Variants in TSR1 observed in about 807,000 individuals in gnomAD.
TSR1 encodes the protein pre-rRNA-processing protein TSR1 homolog.
In TSR1, 81 loss-of-function variants were observed where a neutral mutation model predicts 90.9. The ratio of observed to expected loss-of-function variants is 0.89; its 90% CI spans 0.74 to 1.07. TSR1 has a LOEUF of 1.07. Among genes scored for constraint, TSR1 ranks in the 50% least tolerant of loss-of-function variants. The pLI is 0.00. For synonymous variants in TSR1, 362 were observed against 348.8 expected, an observed-to-expected ratio of 1.04 and a Z score of -0.42; for missense variants, 989 against 987.3, an observed-to-expected ratio of 1.00 and a Z score of -0.02.
intron 11 of TSR1, among the ~76,000 whole-genome samples, chr17:2,326,441 G>A (rs988676654): frequency 6.6e-6 from 1 of 151,906 alleles, no homozygotes; most frequent in Non-Finnish European, 1.5e-5. Context: ...CAGTATCTCA[G>A]GACCCCTACC....
At position 2,323,053 on chromosome 17, in the gene TSR1, C is replaced by T. The variant is rs2075546642; in HGVS notation, c.*1143G>A. 2 of 1,420,182 alleles carry T rather than the reference C, an allele frequency of 1.4e-6. No homozygotes were observed. The highest frequency in any genetic ancestry group is 2.0e-6 in the Non-Finnish European group (2 of 1,013,768). 88.0% of individuals were successfully genotyped at this position (1,420,182 alleles called of 1,614,324 possible). ...GTGTTGGGATTACAGGTGTGAGCCA[C>T]CACACCAGGCCCATATTTTCTTTTA... On this transcript the variant is annotated 3_prime_UTR_variant, in exon 15 of 15. Coordinates refer to ENST00000301364, the MANE Select transcript of TSR1 (RefSeq NM_018128.5).
intron 2 of TSR1, 60 bp from the exon 3 acceptor site, chr17:2,335,790 C>T: frequency 1.3e-6 from 2 of 1,540,138 alleles, no homozygotes; most frequent in South Asian, 2.3e-5. Context: ...TCCAGCATTG[C>T]ATTTCCACTC....
At position 2,325,407 on chromosome 17, in the gene TSR1, T is replaced by C. The variant is rs1350790838; in HGVS notation, c.1917A>G (p.Lys639=). 4.3e-6 allele frequency: 7 copies of C among 1,611,416 alleles called. No individual in the cohort carries two copies. ...TGTCAGCAGTCAGGAATCTCTGCAA[T>C]TTATGTTTGTCCGCTGCCATAAGGG... ...FSQHTAADKH[K]LQRFLTADMA... The change falls in exon 12 of 15, where the codon AAA becomes AAG. Residue 639 remains lysine (K), a synonymous_variant. Transcript: ENST00000301364.
rs950925260 is a variant in TSR1, at chr17:2,324,138, T to C, written c.*58A>G. Reference sequence around the variant, plus strand: ...ATAAACTTTGCCCAATCACAACTTGTGCCTCCCATCCCTGGAGTACTGACT... The same window carrying C: ...ATAAACTTTGCCCAATCACAACTTGCGCCTCCCATCCCTGGAGTACTGACT... On this transcript the variant is annotated 3_prime_UTR_variant, in exon 15 of 15. Coordinates refer to ENST00000301364, the MANE Select transcript of TSR1 (RefSeq NM_018128.5). 1.3e-6 allele frequency: 2 copies of C among 1,507,332 alleles called. No homozygotes were observed. The highest frequency in any genetic ancestry group is 4.7e-5 in the Admixed American group (2 of 42,790). The allele number at this position is 1,507,332 out of a possible 1,614,324, so 93.4% of individuals were successfully genotyped here. A position where few individuals can be genotyped will look rare whatever the true frequency, so the allele number is the denominator to read the frequency against.
chr17:2,336,396 T>C lies in TSR1; in HGVS notation c.32A>G (p.Gln11Arg). 4 of 1,612,900 alleles carry C rather than the reference T, an allele frequency of 2.5e-6. No homozygotes were observed. The highest frequency in any genetic ancestry group is 1.7e-5 in the Admixed American group (1 of 60,034). ...TCCGCCTTTATGAGCTTTATTCTGC[T>C]GCTTGAGCGGGCCGGGGCGGTGGGC... MAAHRPGPLK[Q>R]QNKAHKGGRH... The change falls in exon 1 of 15, where the codon CAG (glutamine) becomes CGG (arginine). Residue 11 changes from glutamine to arginine, a missense_variant. Gln to Arg is a conservative substitution (Grantham distance 43, BLOSUM62 1). Coordinates refer to ENST00000301364, the MANE Select transcript of TSR1 (RefSeq NM_018128.5).
rs1284251096 is a variant in TSR1, at chr17:2,325,293, G to A, written c.2020+11C>T. 1 of 1,599,750 alleles carries A rather than the reference G, an allele frequency of 6.3e-7. No homozygotes were observed. The highest frequency in any genetic ancestry group is 8.5e-7 in the Non-Finnish European group (1 of 1,171,170). On this transcript the variant is annotated intron_variant, in intron 12 of 14. Coordinates refer to ENST00000301364, the MANE Select transcript of TSR1 (RefSeq NM_018128.5). ...CCTGCAGGGTCTGTTCATCTCTGTG[G>A]CTCAACTTACCATTGCTTTTTTGCT...
intron 11 of TSR1, among the ~76,000 whole-genome samples, chr17:2,327,108 A>C (rs1033068441): frequency 3.4e-5 from 5 of 145,268 alleles, no homozygotes; most frequent in African/African-American, 1.0e-4. Context: ...TCCATCTCCC[A>C]AAAAAAAAAA....
chr17:2,327,107 CAA>C (rs561239602), intron 11 of TSR1, among the ~76,000 whole-genome samples: 1 of 143,190 alleles, frequency 7.0e-6, no homozygotes. Context: ...CTCCATCTCC[CAA>C]AAAAAAAAAT....
intron 2 of TSR1, 57 bp downstream of exon 2, chr17:2,335,980 C>T: frequency 6.4e-7 from 1 of 1,561,486 alleles, no homozygotes; most frequent in Admixed American, 1.7e-5. Context: ...CACTTCGAGG[C>T]ATTAGCCACC....
chr17:2,336,311 C>A lies in TSR1; in HGVS notation c.97+20G>T. ...AATAACGGCCAAATAGCCCTTATTC[C>A]TTCTACGTTATCTCCTTACCCTTGC... is the stretch of plus-strand genomic sequence containing the variant. On this transcript the variant is annotated intron_variant, in intron 1 of 14. Transcript: ENST00000301364. 6.2e-7 allele frequency: 1 copy of A among 1,614,126 alleles called. No individual in the cohort carries two copies. Among genetic ancestry groups the A allele is most frequent in the Non-Finnish European group, 8.5e-7 (1 of 1,179,932 alleles).
chr17:2,324,305 A>G lies in TSR1; in HGVS notation c.2306T>C (p.Leu769Pro). 1 of 1,562,930 alleles carries G rather than the reference A, an allele frequency of 6.4e-7. No homozygotes were observed. Among genetic ancestry groups the G allele is most frequent in the Non-Finnish European group, 8.6e-7 (1 of 1,158,994 alleles). Residue 769 changes from leucine (L) to proline (P), a missense_variant, in exon 15 of 15, where the codon CTG (leucine) becomes CCG (proline). Physicochemically the swap from Leu to Pro is moderately conservative, Grantham distance 98. Transcript: ENST00000301364. ...CCATTTGGGGAAGACTCGTTTATAC[A>G]GGTTCATCAGTACTGTGTCTTGAGA... The part of the protein sequence containing the change: ...LKSQDTVLMN[L>P]YKRVFPKWTY...
At position 2,333,677 on chromosome 17, in the gene TSR1, G is replaced by A. The variant is rs2064023868; in HGVS notation, c.1021C>T (p.Leu341Phe). ...GGGTCTGCCTTCATTAGGACTTTAAGACCTTCTTCCATATCATCTACAGCA... is the reference window on the plus strand; with the variant it reads ...GGGTCTGCCTTCATTAGGACTTTAAAACCTTCTTCCATATCATCTACAGCA... Reference protein sequence around the residue: ...TDAVDDMEEGLKVLMKADPGR... With the variant: ...TDAVDDMEEGFKVLMKADPGR... The change falls in exon 6 of 15, where the codon CTT becomes TTT. Residue 341 changes from leucine (L) to phenylalanine (F), a missense_variant. By Grantham distance (22) the Leu-to-Phe change is conservative. Transcript: ENST00000301364. The A allele has an allele frequency of 6.2e-7, 1 of 1,614,080 alleles. No homozygotes were observed.
rs767405968 is a variant in TSR1, at chr17:2,332,284, T to C, written c.1381A>G (p.Lys461Glu). The change falls in exon 8 of 15, where the codon AAG (lysine) becomes GAG (glutamate). Residue 461 changes from lysine to glutamate, a missense_variant. Coordinates refer to ENST00000301364, the MANE Select transcript of TSR1 (RefSeq NM_018128.5). ...GESVHDDLYD[K>E]KVDEEAEAKM... ...GCCTCAGCTTCTTCATCTACTTTCT[T>C]ATCATACAGATCATCATGCACAGAC... The C allele has an allele frequency of 1.9e-6, 3 of 1,613,968 alleles. No individual in the cohort carries two copies. The East Asian group carries it at 6.7e-5, about 36-fold the overall frequency.
At position 2,330,640 on chromosome 17, in the gene TSR1, C is replaced by A. The variant is rs951121651; in HGVS notation, c.1660-15G>T. On this transcript the variant is annotated splice_polypyrimidine_tract_variant and intron_variant, in intron 9 of 14. Coordinates refer to ENST00000301364, the MANE Select transcript of TSR1 (RefSeq NM_018128.5). Reference sequence around the variant, plus strand: ...TACCAGCCAACCTGCCACAAGAAAGCAGAAAGCAATCATGGAGTTACCTTT... The same window carrying A: ...TACCAGCCAACCTGCCACAAGAAAGAAGAAAGCAATCATGGAGTTACCTTT... 6.2e-7 allele frequency: 1 copy of A among 1,611,258 alleles called. No homozygotes were observed. Among genetic ancestry groups the A allele is most frequent in the Admixed American group, 1.7e-5 (1 of 59,750 alleles).
chr17:2,322,999 A>C lies in TSR1; in HGVS notation c.*1197T>G. On this transcript the variant is annotated 3_prime_UTR_variant, in exon 15 of 15. Transcript: ENST00000301364. ...AGGCTGGTCTTGAACTCCTGACCTC[A>C]GCTGATCCACCCGCCTCGGGCTCCC... is the stretch of plus-strand genomic sequence containing the variant. 1.2e-6 allele frequency: 1 copy of C among 816,576 alleles called. No homozygotes were observed. The allele number at this position is 816,576 out of a possible 1,614,324, so 50.6% of individuals were successfully genotyped here. A position where few individuals can be genotyped will look rare whatever the true frequency, so the allele number is the denominator to read the frequency against.
At chr17:2,335,195 T>C (rs2064044411) in intron 4 of TSR1, 65 bp downstream of exon 4, 2 of 1,522,726 alleles carry the variant, frequency 1.3e-6, no homozygotes, top group Non-Finnish European at 1.8e-6. Context: ...GTTGTATTCC[T>C]GTATCAAATA....
In TSR1 at chr17:2,330,534, A is replaced by G. The variant is rs2151440819; in HGVS notation, c.1751T>C (p.Leu584Ser). ...RQGTPLIAFS[L>S]LPHEQKMSVL... ...ATTTACCTTCTGTTCATGAGGTAGT[A>G]AAGAAAATGCAATCAAGGGTGTTCC... Residue 584 changes from leucine to serine, a missense_variant, in exon 10 of 15, where the codon TTA becomes TCA. Coordinates refer to ENST00000301364, the MANE Select transcript of TSR1 (RefSeq NM_018128.5). 3.1e-6 allele frequency: 5 copies of G among 1,613,980 alleles called. No homozygotes were observed. The highest frequency in any genetic ancestry group is 4.2e-6 in the Non-Finnish European group (5 of 1,179,926).
Position 2,329,403 on chromosome 17 carries a change from T to C in TSR1, c.1843A>G (p.Ile615Val), listed in dbSNP as rs1411304359. The C allele has an allele frequency of 1.9e-6, 3 of 1,614,096 alleles. No individual in the cohort carries two copies. Among genetic ancestry groups the C allele is most frequent in the South Asian group, 2.2e-5 (2 of 91,094 alleles). Residue 615 changes from isoleucine (I) to valine (V), a missense_variant, in exon 11 of 15, where the codon ATA (isoleucine) becomes GTA (valine). Physicochemically the swap from Ile to Val is conservative, Grantham distance 29. Transcript: ENST00000301364. Reference sequence around the variant, plus strand: ...AAGCGCCTGAATCCACAGTGAAATATGAGCTCTTCCTTGGCTTTCACAGGT... The same window carrying C: ...AAGCGCCTGAATCCACAGTGAAATACGAGCTCTTCCTTGGCTTTCACAGGT... Reference protein sequence around the residue: ...TEPVKAKEELIFHCGFRRFRA... With the variant: ...TEPVKAKEELVFHCGFRRFRA...
chr17:2,331,152 A>G, intron 8 of TSR1, 43 bp from the exon 9 acceptor site: 2 of 1,476,828 alleles, frequency 1.4e-6, no homozygotes, highest in Non-Finnish European at 1.8e-6. Context: ...TCAGATTTAT[A>G]TGGTGCTATA....
Sources: allele counts gnomAD v4.1 joint callset (sites outside exome capture counted in the v4.1 genomes callset), GRCh38; gene constraint gnomAD v4.1.1; transcripts MANE v1.5; gene names NCBI Gene and HGNC (gene_info 2026-07-23, HGNC 2026-07-21).